FANCC: variants seen among roughly 807,000 people sequenced by gnomAD.
FANCC encodes FA complementation group C.
In FANCC, 55 loss-of-function variants were observed where a neutral mutation model predicts 71.3. The observed-to-expected ratio is 0.77, with a 90% CI of 0.62 to 0.97. The LOEUF is 0.97. Ranked by LOEUF, FANCC falls within the 50% of genes least tolerant of loss-of-function variation. The pLI, the probability that FANCC is intolerant of heterozygous loss-of-function variation, is 0.00. For missense variants in FANCC, 678 were observed against 670.9 expected, an observed-to-expected ratio of 1.01 and a Z score of -0.12; for synonymous variants, 275 against 244.9, an observed-to-expected ratio of 1.12 and a Z score of -1.15.
intron 13 of FANCC, 144 bp downstream of exon 13, chr9:95,111,319 C>G (rs769237364): frequency 8.2e-6 from 13 of 1,594,714 alleles, no homozygotes; most frequent in Admixed American, 3.4e-5. Flanking sequence ...GATCACCATG[C>G]CTGCAGGTTG....
intron 4 of FANCC, among the ~76,000 whole-genome samples, chr9:95,189,122 C>T (rs1289916764): frequency 6.6e-6 from 1 of 152,126 alleles, no homozygotes; most frequent in Non-Finnish European, 1.5e-5. Context: ...TGCAGTTTTA[C>T]ATCCACAGCC....
At chr9:95,281,973 AAAGG>A (rs1050931252) in intron 1 of FANCC, among the ~76,000 whole-genome samples, 19 of 151,956 alleles carry the variant, frequency 1.3e-4, no homozygotes, top group African/African-American at 4.6e-4. Context: ...ACTTAACCTC[AAAGG>A]AAGAAAGAAA....
At chr9:95,136,663 T>C (rs1368831289) in intron 7 of FANCC, among the ~76,000 whole-genome samples, 2 of 152,148 alleles carry the variant, frequency 1.3e-5, no homozygotes, top group Non-Finnish European at 2.9e-5. Context: ...TTTTTTTTCT[T>C]GTAAAGATGG....
At chr9:95,154,697 G>A (rs1316609304) in intron 6 of FANCC, among the ~76,000 whole-genome samples, 19 of 152,096 alleles carry the variant, frequency 1.2e-4, no homozygotes, top group Admixed American at 1.2e-3. Context: ...CCACTTCTTG[G>A]GCGTGCTTGC....
At chr9:95,110,261 CAA>C in intron 13 of FANCC, 1 of 1,009,686 alleles carries the variant, frequency 9.9e-7, no homozygotes, top group Non-Finnish European at 1.2e-6. Flanking sequence ...CTTTATACTT[CAA>C]AAGTGATTCT....
At chr9:95,260,361 T>TA (rs1455490037) in intron 1 of FANCC, among the ~76,000 whole-genome samples, 3 of 152,044 alleles carry the variant, frequency 2.0e-5, no homozygotes, top group Admixed American at 6.6e-5. Context: ...TATGCAGCCA[T>TA]AAAAAAGGCT....
chr9:95,126,739 C>T (rs1349218318), intron 8 of FANCC, 158 bp from the exon 9 acceptor site: 3 of 719,138 alleles, frequency 4.2e-6, no homozygotes, highest in Non-Finnish European at 7.3e-6. Context: ...ACTGAAAACG[C>T]CCCACATACA....
intron 1 of FANCC, among the ~76,000 whole-genome samples, chr9:95,250,335 C>T (rs1831255824): frequency 6.6e-6 from 1 of 152,078 alleles, no homozygotes; most frequent in African/African-American, 2.4e-5. Flanking sequence ...GTTTAAAATC[C>T]TCAACAACCA....
Position 95,292,675 on chromosome 9 carries a change from G to C in FANCC, c.-79+24851C>G. The C allele has an allele frequency of 3.7e-6, 5 of 1,337,688 alleles. No individual in the cohort carries two copies. The South Asian group carries it at 5.9e-5, about 16-fold the overall frequency. The allele number at this position is 1,337,688 out of a possible 1,614,324, so 82.9% of individuals were successfully genotyped here. On this transcript the variant is annotated intron_variant, in intron 1 of 14. Transcript: ENST00000289081. ...GTCAAGAGCCACCGCATGCAGTATA[G>C]CACAGTCAATCCAATAATAAGAAAA...
chr9:95,132,980 A>G (rs1827141778), intron 8 of FANCC, among the ~76,000 whole-genome samples: 1 of 152,268 alleles, frequency 6.6e-6, no homozygotes, highest in South Asian at 2.1e-4. Context: ...AATTACTCTC[A>G]GAATCCAACT....
intron 4 of FANCC, among the ~76,000 whole-genome samples, chr9:95,207,018 C>A (rs1225460996): frequency 6.6e-6 from 1 of 152,060 alleles, no homozygotes; most frequent in Non-Finnish European, 1.5e-5. Flanking sequence ...CAGCCCCCAG[C>A]CCCACACTGC....
At chr9:95,168,366 T>C in intron 6 of FANCC, among the ~76,000 whole-genome samples, 1 of 152,234 alleles carries the variant, frequency 6.6e-6, no homozygotes, top group Non-Finnish European at 1.5e-5. Context: ...TCTCTGGTGC[T>C]ACCACAAACC....
intron 1 of FANCC, among the ~76,000 whole-genome samples, chr9:95,278,213 T>C (rs986775570): frequency 6.6e-6 from 1 of 152,176 alleles, no homozygotes; most frequent in African/African-American, 2.4e-5. Context: ...AGGTAATATG[T>C]ATAACAATAA....
intron 3 of FANCC, among the ~76,000 whole-genome samples, chr9:95,247,061 G>A (rs986109558): frequency 2.0e-4 from 31 of 151,696 alleles, no homozygotes; most frequent in African/African-American, 5.3e-4. Context: ...AAATTAACTC[G>A]GTATCATTAG....
intron 10 of FANCC, among the ~76,000 whole-genome samples, chr9:95,121,650 G>C (rs3780564): frequency 1.3e-5 from 2 of 151,974 alleles, no homozygotes; most frequent in African/African-American, 4.8e-5. Flanking sequence ...ATGCATAACA[G>C]TACTTCCCCA....
chr9:95,294,477 C>T, intron 1 of FANCC: 2 of 1,594,538 alleles, frequency 1.3e-6, no homozygotes, highest in Admixed American at 3.3e-5. Flanking sequence ...TTTTCTTAGA[C>T]AGTAGCCCTC....
At chr9:95,186,465 A>T (rs1057102627) in intron 4 of FANCC, 4 of 152,182 alleles carry the variant, frequency 2.6e-5, no homozygotes, top group African/African-American at 4.8e-5. Flanking sequence ...CTCTTCTTTA[A>T]ACACACACCC....
chr9:95,261,236 C>T (rs73537294), intron 1 of FANCC, among the ~76,000 whole-genome samples: 1,727 of 152,288 alleles, frequency 0.011, 31 homozygotes, highest in African/African-American at 0.039. Context: ...ACTTTTTTCA[C>T]AGATGTACTA....
intron 1 of FANCC, among the ~76,000 whole-genome samples, chr9:95,307,211 AC>A (rs1310290096): frequency 6.6e-6 from 1 of 152,204 alleles, no homozygotes; most frequent in Non-Finnish European, 1.5e-5. Context: ...TTACCTTAGC[AC>A]ATATGGTTAT....
Sources: allele counts gnomAD v4.1 joint callset (sites outside exome capture counted in the v4.1 genomes callset), GRCh38; gene constraint gnomAD v4.1.1; transcripts MANE v1.5; gene names NCBI Gene and HGNC (gene_info 2026-07-23, HGNC 2026-07-21).